The following OTUD7A variants were observed in gnomAD, a reference collection of about 807,000 sequenced individuals.
OTUD7A encodes OTU domain-containing protein 7A.
In OTUD7A, 12 loss-of-function variants were observed where a neutral mutation model predicts 65.7. The ratio of observed to expected loss-of-function variants is 0.18; its 90% CI spans 0.12 to 0.30. OTUD7A has a LOEUF of 0.30. Among genes scored for constraint, OTUD7A ranks in the 10% least tolerant of loss-of-function variants. OTUD7A has a pLI of 1.00. For missense variants in OTUD7A, 1,148 were observed against 1,304.8 expected, an observed-to-expected ratio of 0.88 and a Z score of 1.85; for synonymous variants, 641 against 586.3, an observed-to-expected ratio of 1.09 and a Z score of -1.35.
intron 6 of OTUD7A, 61 bp downstream of exon 6, chr15:31,530,644 CAT>C (rs1376537719): frequency 1.4e-5 from 20 of 1,438,480 alleles, no homozygotes; most frequent in Non-Finnish European, 1.9e-5. Flanking sequence ...CCTTCAATAG[CAT>C]ATGTCTTTCC....
chr15:31,549,515 C>A (rs1031206009), intron 5 of OTUD7A, among the ~76,000 whole-genome samples: 1 of 152,130 alleles, frequency 6.6e-6, no homozygotes, highest in African/African-American at 2.4e-5. Context: ...GGGGATTTTG[C>A]AGATGTAATT....
chr15:31,745,966 A>T (rs1182039088), intron 1 of OTUD7A, among the ~76,000 whole-genome samples: 1 of 152,174 alleles, frequency 6.6e-6, no homozygotes, highest in East Asian at 1.9e-4. Flanking sequence ...AGGAAAATGA[A>T]AATTTAGACC....
chr15:31,653,837 A>T (rs1443077452), intron 3 of OTUD7A, among the ~76,000 whole-genome samples: 1 of 152,134 alleles, frequency 6.6e-6, no homozygotes, highest in African/African-American at 2.4e-5. Flanking sequence ...ATTAATACTG[A>T]TGTTAGTACT....
chr15:31,675,805 GTAAGT>G (rs1892583672), intron 1 of OTUD7A, among the ~76,000 whole-genome samples: 1 of 152,136 alleles, frequency 6.6e-6, no homozygotes, highest in Non-Finnish European at 1.5e-5. Context: ...CAAATATCCT[GTAAGT>G]TAATTAGGAA....
chr15:31,501,924 C>A, intron 9 of OTUD7A, 85 bp from the exon 10 acceptor site: 1 of 1,427,792 alleles, frequency 7.0e-7, no homozygotes, highest in Non-Finnish European at 9.5e-7. Context: ...TCCCTCACTA[C>A]CCCGGGGGGA....
chr15:31,610,875 T>A (rs1890398767), intron 3 of OTUD7A, among the ~76,000 whole-genome samples: 1 of 151,436 alleles, frequency 6.6e-6, no homozygotes, highest in Non-Finnish European at 1.5e-5. Context: ...GTGATCTGCC[T>A]GCCTCGGACT....
At chr15:31,768,111 T>C in intron 1 of OTUD7A, 1 of 1,597,170 alleles carries the variant, frequency 6.3e-7, no homozygotes. Context: ...CTGTGTTTTC[T>C]TAGAGGCATT....
chr15:31,645,531 T>C (rs1016017926), intron 3 of OTUD7A, among the ~76,000 whole-genome samples: 2 of 152,236 alleles, frequency 1.3e-5, no homozygotes, highest in Admixed American at 6.5e-5. Flanking sequence ...CCCTGCATGA[T>C]ATTACTTCAT....
At chr15:31,864,760 TACAC>T (rs72128495) in intron 1 of OTUD7A, among the ~76,000 whole-genome samples, 72,949 of 146,246 alleles carry the variant, frequency 0.5, 19,191 homozygotes, top group East Asian at 0.62. Context: ...CTCCTCTTCC[TACAC>T]ACACACACAC....
intron 3 of OTUD7A, among the ~76,000 whole-genome samples, chr15:31,576,845 C>A (rs1230812695): frequency 6.6e-6 from 1 of 152,166 alleles, no homozygotes; most frequent in Non-Finnish European, 1.5e-5. Context: ...ACCAAATGAA[C>A]CCTCTCTGGG....
intron 6 of OTUD7A, among the ~76,000 whole-genome samples, chr15:31,528,385 G>A (rs1322015165): frequency 1.3e-5 from 2 of 152,242 alleles, no homozygotes; most frequent in African/African-American, 4.8e-5. Flanking sequence ...GGCTAAAGTG[G>A]GATCGAGGAG....
intron 1 of OTUD7A, chr15:31,766,607 G>C (rs1895100301): frequency 3.7e-6 from 6 of 1,608,638 alleles, no homozygotes; most frequent in Non-Finnish European, 5.1e-6. Flanking sequence ...CTGGTGTATT[G>C]ATAATAACTA....
chr15:31,511,146 ATG>A (rs1388943088), intron 8 of OTUD7A, among the ~76,000 whole-genome samples: 1 of 25,038 alleles, frequency 4.0e-5, no homozygotes, highest in Non-Finnish European at 6.6e-5. Context: ...TAACATACAT[ATG>A]TATATCTATA....
intron 5 of OTUD7A, among the ~76,000 whole-genome samples, chr15:31,551,244 C>G (rs527443141): frequency 2.3e-3 from 355 of 152,320 alleles, no homozygotes; most frequent in Middle Eastern, 0.01. Flanking sequence ...TAACATCCAG[C>G]AGAACCTAGA....
chr15:31,584,064 T>C (rs1363295644), intron 3 of OTUD7A, among the ~76,000 whole-genome samples: 1 of 152,060 alleles, frequency 6.6e-6, no homozygotes, highest in African/African-American at 2.4e-5. Context: ...ACAACTCTGA[T>C]GAAAAGAAAG....
chr15:31,867,546 C>T (rs1020456846), intron 1 of OTUD7A, among the ~76,000 whole-genome samples: 1 of 152,130 alleles, frequency 6.6e-6, no homozygotes, highest in Non-Finnish European at 1.5e-5. Flanking sequence ...ACACAGGGTC[C>T]CAGGGCCTAA....
At chr15:31,860,493 T>C (rs1897688879) in intron 1 of OTUD7A, among the ~76,000 whole-genome samples, 1 of 151,118 alleles carries the variant, frequency 6.6e-6, no homozygotes, top group South Asian at 2.1e-4. Flanking sequence ...AGAGATGTAA[T>C]AAAAAATAAT....
chr15:31,660,093 T>C (rs1203377940), intron 1 of OTUD7A, among the ~76,000 whole-genome samples: 2 of 152,280 alleles, frequency 1.3e-5, no homozygotes, highest in East Asian at 1.9e-4. Context: ...AATAGGCAAA[T>C]GTACTGTTCT....
At chr15:31,621,517 T>C (rs1433392387) in intron 3 of OTUD7A, among the ~76,000 whole-genome samples, 1 of 152,226 alleles carries the variant, frequency 6.6e-6, no homozygotes, top group Non-Finnish European at 1.5e-5. Flanking sequence ...TTTACCATTA[T>C]GTAATGGCCT....
Sources: gnomAD v4.1 joint callset for allele counts (sites outside exome capture counted in the v4.1 genomes callset) on GRCh38, gnomAD v4.1.1 for gene constraint, MANE v1.5 for transcripts, NCBI Gene and HGNC (gene_info 2026-07-23, HGNC 2026-07-21) for gene names.